Variants in UGT2A1 observed in about 807,000 individuals in gnomAD.
UGT2A1 encodes UDP-glucuronosyltransferase 2A1.
Under a neutral mutation model 45.4 loss-of-function variants are expected in UGT2A1, and 61 were observed. The observed-to-expected ratio is 1.34, with a 90% CI of 1.09 to 1.66. The LOEUF (loss-of-function observed/expected upper bound fraction) is 1.66. UGT2A1 is among the 40% of genes most tolerant of loss of function. UGT2A1 has a pLI of 0.00. For missense variants in UGT2A1, 649 were observed against 574.3 expected (o/e 1.13, Z -1.33); for synonymous variants, 229 against 196.2 (o/e 1.17, Z -1.40).
chr4:69,644,232 C>G (rs1722158349), intron 2 of UGT2A1, among the ~76,000 whole-genome samples: 1 of 151,746 alleles, frequency 6.6e-6, no homozygotes, highest in Non-Finnish European at 1.5e-5. Context: ...CATTAACTTA[C>G]AGGCAAAATA....
intron 5 of UGT2A1, among the ~76,000 whole-genome samples, 173 bp from the exon 6 acceptor site, chr4:69,594,869 G>C (rs1477186737): frequency 2.0e-5 from 3 of 152,150 alleles, no homozygotes; most frequent in Non-Finnish European, 4.4e-5. Context: ...CCCAGGAAAA[G>C]CAGTAATTAA....
chr4:69,622,253 G>A (rs556431472), intron 3 of UGT2A1, among the ~76,000 whole-genome samples: 1 of 151,630 alleles, frequency 6.6e-6, no homozygotes, highest in East Asian at 1.9e-4. Context: ...CAAAACATAT[G>A]TCAAAATACA....
chr4:69,639,014 G>A, intron 2 of UGT2A1: 3 of 1,613,324 alleles, frequency 1.9e-6, no homozygotes, highest in Non-Finnish European at 2.5e-6. Context: ...TCTGGTCAGT[G>A]AGCTCTGATA....
chr4:69,642,416 G>T (rs181022416), intron 2 of UGT2A1, among the ~76,000 whole-genome samples: 1 of 151,408 alleles, frequency 6.6e-6, no homozygotes, highest in African/African-American at 2.4e-5. Context: ...AAGGAGAGAG[G>T]AAAGCAAAGG....
intron 3 of UGT2A1, among the ~76,000 whole-genome samples, chr4:69,624,896 T>C (rs919828986): frequency 2.0e-5 from 3 of 151,370 alleles, no homozygotes; most frequent in Non-Finnish European, 3.0e-5. Flanking sequence ...TGTCTCTCCA[T>C]TCGTCTAGAT....
At chr4:69,599,545 A>G in intron 3 of UGT2A1, 151 bp from the exon 4 acceptor site, 2 of 1,129,050 alleles carry the variant, frequency 1.8e-6, no homozygotes, top group Non-Finnish European at 2.3e-6. Flanking sequence ...ATTAAGAAGA[A>G]GGAGAAATTA....
At chr4:69,591,609 C>T (rs1187023671) in intron 6 of UGT2A1, among the ~76,000 whole-genome samples, 2 of 152,146 alleles carry the variant, frequency 1.3e-5, no homozygotes, top group African/African-American at 2.4e-5. Context: ...ATTTGACCCT[C>T]ATTTCCCATC....
At chr4:69,630,029 A>T (rs530068701) in intron 3 of UGT2A1, among the ~76,000 whole-genome samples, 1 of 152,238 alleles carries the variant, frequency 6.6e-6, no homozygotes, top group South Asian at 2.1e-4. Context: ...AAAATAATTT[A>T]CTGGAATTTA....
chr4:69,604,838 T>C lies in UGT2A1; in HGVS notation c.848-5444A>G, dbSNP rs1057026744. On this transcript the variant is annotated intron_variant, in intron 3 of 6. Coordinates refer to ENST00000286604, the MANE Select transcript of UGT2A1 (RefSeq NM_001252275.3). ...AGAGACAAAGAAGGCCATTACATAA[T>C]GGTAAAAGGATCAATTCAACAAGAA... Among the ~76,000 whole-genome samples the C allele has an allele frequency of 5.1e-5, 7 of 136,766 alleles. 2 individuals are homozygous for C. Among genetic ancestry groups the C allele is most frequent in the African/African-American group, 2.1e-4 (7 of 33,724 alleles). The allele number at this position is 136,766 out of a possible 152,430, so 89.7% of individuals were successfully genotyped here.
At chr4:69,599,156 C>T in intron 4 of UGT2A1, 90 bp downstream of exon 4, 1 of 1,450,450 alleles carries the variant, frequency 6.9e-7, no homozygotes, top group Non-Finnish European at 9.1e-7. Flanking sequence ...TGTCCAGCAG[C>T]ATTTATTTGT....
intron 3 of UGT2A1, among the ~76,000 whole-genome samples, chr4:69,615,033 C>A (rs1560479833): frequency 6.6e-6 from 1 of 151,900 alleles, no homozygotes; most frequent in Non-Finnish European, 1.5e-5. Flanking sequence ...TGAGAACTCA[C>A]TATCACAAGA....
intron 3 of UGT2A1, among the ~76,000 whole-genome samples, chr4:69,634,875 C>T (rs1721588533): frequency 6.6e-6 from 1 of 152,050 alleles, no homozygotes; most frequent in Non-Finnish European, 1.5e-5. Context: ...GCCCATTACC[C>T]TCATTTTTAT....
At chr4:69,623,362 A>C (rs1158366874) in intron 3 of UGT2A1, among the ~76,000 whole-genome samples, 11 of 151,734 alleles carry the variant, frequency 7.2e-5, no homozygotes, top group Non-Finnish European at 1.3e-4. Context: ...ATTTGAATAC[A>C]AGTAATTTTT....
At chr4:69,600,067 T>C (rs1719178449) in intron 3 of UGT2A1, among the ~76,000 whole-genome samples, 1 of 152,024 alleles carries the variant, frequency 6.6e-6, no homozygotes, top group African/African-American at 2.4e-5. Flanking sequence ...AAAGTAACCA[T>C]AAACCCTTTG....
At chr4:69,644,416 C>T (rs1007357706) in intron 2 of UGT2A1, among the ~76,000 whole-genome samples, 8 of 151,636 alleles carry the variant, frequency 5.3e-5, no homozygotes, top group Non-Finnish European at 1.0e-4. Flanking sequence ...GACCAAGAGA[C>T]GGTCTATGTA....
chr4:69,597,715 AACACACAC>A (rs71671445), intron 4 of UGT2A1, among the ~76,000 whole-genome samples: 5 of 150,254 alleles, frequency 3.3e-5, no homozygotes, highest in Non-Finnish European at 5.9e-5. Context: ...TCATTAAAAT[AACACACAC>A]ACACACACAC....
At chr4:69,606,352 G>A (rs1158119036) in intron 3 of UGT2A1, among the ~76,000 whole-genome samples, 2 of 136,178 alleles carry the variant, frequency 1.5e-5, no homozygotes, top group Non-Finnish European at 3.1e-5. Context: ...ATGCAGAAAA[G>A]GCCTTGAAAA....
intron 3 of UGT2A1, among the ~76,000 whole-genome samples, chr4:69,602,903 T>C (rs1412233122): frequency 7.5e-6 from 1 of 134,062 alleles, no homozygotes; most frequent in East Asian, 2.1e-4. Flanking sequence ...CCGTCTCTAC[T>C]AAAAATACAA....
At position 69,599,309 on chromosome 4, in the gene UGT2A1, T is replaced by C. The variant is rs141874261; in HGVS notation, c.933A>G (p.Pro311=). The change falls in exon 4 of 7, where the codon CCA becomes CCG. Residue 311 remains proline, a synonymous_variant. Transcript: ENST00000286604. The part of the protein sequence containing the change: ...RTYWDFEFPR[P]YLPNFEFVGG... ...CAACAAACTCAAAATTAGGTAAGTA[T>C]GGACGAGGAAATTCAAAATCCCAAT... is the stretch of plus-strand genomic sequence containing the variant. The C allele has an allele frequency of 5.7e-5, 92 of 1,613,794 alleles. No homozygotes were observed. Among genetic ancestry groups the C allele is most frequent in the Non-Finnish European group, 7.3e-5 (86 of 1,179,954 alleles).
Sources: allele counts gnomAD v4.1 joint callset (sites outside exome capture counted in the v4.1 genomes callset), GRCh38; gene constraint gnomAD v4.1.1; transcripts MANE v1.5; gene names NCBI Gene and HGNC (gene_info 2026-07-23, HGNC 2026-07-21).